The following LRMDA variants were observed in gnomAD, a reference collection of about 807,000 sequenced individuals.
LRMDA encodes the protein leucine-rich melanocyte differentiation-associated protein.
In LRMDA, 18 loss-of-function variants were observed where a neutral mutation model predicts 29.8. The observed-to-expected ratio is 0.60, with a 90% CI of 0.42 to 0.90. The LOEUF (loss-of-function observed/expected upper bound fraction) is 0.90. LRMDA is among the 40% of genes least tolerant of loss of function. LRMDA has a pLI of 0.00. For synonymous variants in LRMDA, 125 were observed against 109.4 expected (o/e 1.14, Z -0.89); for missense variants, 273 against 273.9 (o/e 1.00, Z 0.02).
At chr10:75,561,320 G>A (rs1276744894) in intron 2 of LRMDA, among the ~76,000 whole-genome samples, 20 of 149,180 alleles carry the variant, frequency 1.3e-4, no homozygotes, top group East Asian at 4.0e-4. Context: ...GTTTATTTGC[G>A]TAGAGGTGTT....
At chr10:76,151,355 C>G (rs1487081024) in intron 5 of LRMDA, among the ~76,000 whole-genome samples, 1 of 152,188 alleles carries the variant, frequency 6.6e-6, no homozygotes, top group Non-Finnish European at 1.5e-5. Flanking sequence ...AAGCAGTTGC[C>G]TAAGCCCACA....
chr10:75,504,827 G>A (rs193210939), intron 2 of LRMDA, among the ~76,000 whole-genome samples: 1 of 152,246 alleles, frequency 6.6e-6, no homozygotes, highest in Admixed American at 6.5e-5. Flanking sequence ...GTTACCCTAA[G>A]AACAGTGGGA....
intron 6 of LRMDA, among the ~76,000 whole-genome samples, chr10:76,376,541 G>C (rs1841520612): frequency 6.6e-6 from 1 of 152,054 alleles, no homozygotes; most frequent in Non-Finnish European, 1.5e-5. Context: ...ACAAGTGCAG[G>C]CAACTTTTTA....
chr10:76,340,063 A>G (rs981156429), intron 6 of LRMDA, among the ~76,000 whole-genome samples: 10 of 152,186 alleles, frequency 6.6e-5, no homozygotes, highest in African/African-American at 2.4e-4. Flanking sequence ...TAACAATAAG[A>G]CTTAGTAATG....
chr10:76,106,885 C>T (rs1047644732), intron 5 of LRMDA, among the ~76,000 whole-genome samples: 2 of 152,186 alleles, frequency 1.3e-5, no homozygotes, highest in Non-Finnish European at 2.9e-5. Flanking sequence ...TAGCAGAGTC[C>T]TGATCATGTC....
intron 5 of LRMDA, among the ~76,000 whole-genome samples, chr10:76,111,590 C>T (rs1188587840): frequency 6.6e-6 from 1 of 152,184 alleles, no homozygotes; most frequent in Non-Finnish European, 1.5e-5. Flanking sequence ...CAACTTTTGA[C>T]CAAAATAATA....
At chr10:76,503,983 T>C (rs1842936325) in intron 6 of LRMDA, among the ~76,000 whole-genome samples, 1 of 151,840 alleles carries the variant, frequency 6.6e-6, no homozygotes. Flanking sequence ...CTATCTCCTT[T>C]TAACACTGTT....
At chr10:76,059,350 T>G (rs1195138388) in intron 5 of LRMDA, among the ~76,000 whole-genome samples, 1 of 152,208 alleles carries the variant, frequency 6.6e-6, no homozygotes, top group African/African-American at 2.4e-5. Context: ...GACCTTTCCT[T>G]TACCAGCTGA....
At chr10:75,533,608 C>T (rs774549185) in intron 2 of LRMDA, among the ~76,000 whole-genome samples, 24 of 152,162 alleles carry the variant, frequency 1.6e-4, no homozygotes, top group Non-Finnish European at 2.6e-4. Context: ...TTTCTTGTCT[C>T]TTGATGTGCA....
intron 5 of LRMDA, among the ~76,000 whole-genome samples, chr10:76,209,216 A>G (rs1372893390): frequency 6.6e-6 from 1 of 152,088 alleles, no homozygotes; most frequent in African/African-American, 2.4e-5. Context: ...TCCCCTAATA[A>G]GCTAAGGAGA....
At chr10:76,177,005 C>A (rs1345585664) in intron 5 of LRMDA, among the ~76,000 whole-genome samples, 2 of 152,160 alleles carry the variant, frequency 1.3e-5, no homozygotes, top group East Asian at 3.8e-4. Flanking sequence ...ATAGAGTCTT[C>A]CAGAGCACAG....
chr10:76,444,472 G>C (rs1842333981), intron 6 of LRMDA, among the ~76,000 whole-genome samples: 1 of 152,158 alleles, frequency 6.6e-6, no homozygotes, highest in African/African-American at 2.4e-5. Flanking sequence ...ATTCGATACT[G>C]GGTTCAAATC....
At chr10:75,856,871 A>T (rs1844836793) in intron 2 of LRMDA, among the ~76,000 whole-genome samples, 1 of 152,208 alleles carries the variant, frequency 6.6e-6, no homozygotes, top group Non-Finnish European at 1.5e-5. Flanking sequence ...GTATTCAATT[A>T]GGAAAAGAGG....
rs376823889 is a variant in LRMDA, at chr10:76,431,566, G to T, written c.601+107081G>T. 1.3e-3 allele frequency among the ~76,000 whole-genome samples: 202 copies of T among 152,322 alleles called. 1 individual carries two copies. The highest frequency in any genetic ancestry group is 4.7e-3 in the African/African-American group (194 of 41,572). ...AATAATGGTGCCTTGCTCTAGGGCAGTTATAAATGTAACATCCTCATAATA... is the reference window on the plus strand; with the variant it reads ...AATAATGGTGCCTTGCTCTAGGGCATTTATAAATGTAACATCCTCATAATA... On this transcript the variant is annotated intron_variant, in intron 6 of 6. Transcript: ENST00000611255.
At chr10:76,421,791 T>G (rs1316396664) in intron 6 of LRMDA, among the ~76,000 whole-genome samples, 2 of 152,228 alleles carry the variant, frequency 1.3e-5, no homozygotes, top group Admixed American at 6.5e-5. Flanking sequence ...TTGTTATCTC[T>G]TATTGATTGA....
intron 4 of LRMDA, among the ~76,000 whole-genome samples, chr10:76,056,521 G>GCAGGCC (rs1848617304): frequency 6.6e-6 from 1 of 152,168 alleles, no homozygotes; most frequent in Non-Finnish European, 1.5e-5. Flanking sequence ...AGGGATGCCT[G>GCAGGCC]CAGGCCCATG....
chr10:75,703,998 G>A (rs1010117700), intron 2 of LRMDA, among the ~76,000 whole-genome samples: 15 of 152,322 alleles, frequency 9.8e-5, no homozygotes, highest in South Asian at 4.2e-4. Context: ...ATGTGCCGAC[G>A]CTTGCTATAT....
intron 2 of LRMDA, among the ~76,000 whole-genome samples, chr10:75,462,848 TG>T (rs1269458060): frequency 6.6e-6 from 1 of 152,184 alleles, no homozygotes; most frequent in Non-Finnish European, 1.5e-5. Context: ...GATTTGCATG[TG>T]TTTTGAGATA....
At chr10:76,022,573 C>A (rs1232385583) in intron 2 of LRMDA, among the ~76,000 whole-genome samples, 1 of 152,050 alleles carries the variant, frequency 6.6e-6, no homozygotes, top group East Asian at 1.9e-4. Context: ...AGCCTCAGGG[C>A]CCAGAGTGCA....
Sources: gnomAD v4.1 joint callset for allele counts (sites outside exome capture counted in the v4.1 genomes callset) on GRCh38, gnomAD v4.1.1 for gene constraint, MANE v1.5 for transcripts, NCBI Gene and HGNC (gene_info 2026-07-23, HGNC 2026-07-21) for gene names.